The following SPEGNB variants were observed in gnomAD, a reference collection of about 807,000 sequenced individuals.
SPEGNB encodes SPEG neighbor protein.
Under a neutral mutation model 18.3 loss-of-function variants are expected in SPEGNB, and 12 were observed. The ratio of observed to expected loss-of-function variants is 0.65; its 90% confidence interval spans 0.42 to 1.06. SPEGNB has a LOEUF of 1.06. SPEGNB is among the 50% of genes least tolerant of loss of function. The probability of loss-of-function intolerance (pLI) is 0.00; values close to 1 mark genes in which losing one functional copy is unlikely to be tolerated. For missense variants in SPEGNB, 273 were observed against 329.3 expected (o/e 0.83, Z 1.32); for synonymous variants, 113 against 138.8 (o/e 0.81, Z 1.31).
Position 219,498,191 on chromosome 2 carries a change from C to T in SPEGNB, c.*2C>T, listed in dbSNP as rs1575217248. ...TTCGCTCGCGTCGACGTGGCCTGAA[C>T]GGCACCCCCGGACCTTCCGCCCTGG... is the stretch of plus-strand genomic sequence containing the variant. On this transcript the variant is annotated 3_prime_UTR_variant, in exon 5 of 5. Coordinates refer to ENST00000651166, the MANE Select transcript of SPEGNB (RefSeq NM_001286811.2). The T allele has an allele frequency of 7.7e-7, 1 of 1,302,294 alleles. No homozygotes were observed. Among genetic ancestry groups the T allele is most frequent in the African/African-American group, 1.5e-5 (1 of 65,968 alleles). The allele number at this position is 1,302,294 out of a possible 1,614,324, so 80.7% of individuals were successfully genotyped here.
chr2:219,498,047 G>T lies in SPEGNB; in HGVS notation c.579-4G>T. 1.5e-6 allele frequency: 2 copies of T among 1,300,692 alleles called. No homozygotes were observed. Among genetic ancestry groups the T allele is most frequent in the South Asian group, 1.2e-5 (1 of 80,482 alleles). 80.6% of individuals were successfully genotyped at this position (1,300,692 alleles called of 1,614,324 possible). On this transcript the variant is annotated splice_polypyrimidine_tract_variant and splice_region_variant and intron_variant, in intron 4 of 4. Transcript: ENST00000651166. Reference sequence around the variant, plus strand: ...CCGCCCTCCTCCCCGCCGCCCTTCCGCAGGGTGTTCTTCGAGATCGGCAGC... The same window carrying T: ...CCGCCCTCCTCCCCGCCGCCCTTCCTCAGGGTGTTCTTCGAGATCGGCAGC...
chr2:219,496,534 C>G, intron 2 of SPEGNB, 52 bp downstream of exon 2: 1 of 1,191,046 alleles, frequency 8.4e-7, no homozygotes, highest in Non-Finnish European at 1.1e-6. Flanking sequence ...AGAGAGCGCA[C>G]TCTTGAGTAG....
Position 219,497,799 on chromosome 2 carries a change from G to A in SPEGNB, c.516G>A (p.Leu172=). The A allele has an allele frequency of 1.5e-6, 2 of 1,304,314 alleles. No homozygotes were observed. Among genetic ancestry groups the A allele is most frequent in the Non-Finnish European group, 2.0e-6 (2 of 988,972 alleles). The allele number at this position is 1,304,314 out of a possible 1,614,324, so 80.8% of individuals were successfully genotyped here. ...GTTVTLTAEI[L]GEPAPDVGWT... ...CCGTGACGCTGACTGCGGAGATCCT[G>A]GGAGAGCCTGCGCCCGACGTAGGCT... Residue 172 remains leucine (L), a synonymous_variant, in exon 4 of 5, where the codon CTG becomes CTA. Transcript: ENST00000651166.
At position 219,496,850 on chromosome 2, in the gene SPEGNB, T is replaced by C; in HGVS notation, c.170T>C (p.Leu57Pro). ...CGCGAGAAGGGGCCGCCGCGGGTGC[T>C]GGAGCCGCTGAAGGACGTGGTGCTG... is the stretch of plus-strand genomic sequence containing the variant. ...ELREKGPPRV[L>P]EPLKDVVLIE... The change falls in exon 3 of 5, where the codon CTG (leucine) becomes CCG (proline). Residue 57 changes from leucine to proline, a missense_variant. Leu to Pro is a moderately conservative substitution (Grantham distance 98). Transcript: ENST00000651166. 1 of 1,262,998 alleles carries C rather than the reference T, an allele frequency of 7.9e-7. No homozygotes were observed. The highest frequency in any genetic ancestry group is 1.3e-5 in the South Asian group (1 of 76,634). The allele number at this position is 1,262,998 out of a possible 1,614,324, so 78.2% of individuals were successfully genotyped here.
In SPEGNB at chr2:219,498,172, C is replaced by A; in HGVS notation, c.700C>A (p.Arg234Ser). ...CCTGGGCATGGACCAGAGCTTCGCT[C>A]GCGTCGACGTGGCCTGAACGGCACC... ...NSLGMDQSFA[R>S]VDVA Residue 234 changes from arginine (R) to serine (S), a missense_variant, in exon 5 of 5, where the codon CGC (arginine) becomes AGC (serine). Coordinates refer to ENST00000651166, the MANE Select transcript of SPEGNB (RefSeq NM_001286811.2). 7.7e-7 allele frequency: 1 copy of A among 1,303,976 alleles called. No homozygotes were observed. The highest frequency in any genetic ancestry group is 1.0e-6 in the Non-Finnish European group (1 of 988,762). 80.8% of individuals were successfully genotyped at this position (1,303,976 alleles called of 1,614,324 possible). A position where few individuals can be genotyped will look rare whatever the true frequency, so the allele number is the denominator to read the frequency against.
Position 219,497,510 on chromosome 2 carries a change from A to C in SPEGNB, c.437-210A>C, listed in dbSNP as rs576508967. The C allele has an allele frequency of 1.2e-5, 6 of 518,742 alleles. No individual in the cohort carries two copies. In the East Asian group the frequency reaches 4.5e-4, roughly 39 times the overall value. 32.1% of individuals were successfully genotyped at this position (518,742 alleles called of 1,614,324 possible). On this transcript the variant is annotated intron_variant, in intron 3 of 4. Coordinates refer to ENST00000651166, the MANE Select transcript of SPEGNB (RefSeq NM_001286811.2). ...GCTTTCGCCCGCCTTATCTCTCTTG[A>C]TCCTCTATTCGACCCCGAGAAGTAG...
chr2:219,497,447 G>A (rs1694250795), intron 3 of SPEGNB, among the ~76,000 whole-genome samples: 1 of 152,184 alleles, frequency 6.6e-6, no homozygotes, highest in Admixed American at 6.5e-5. Context: ...TACCCGGAGC[G>A]GTCTCTGAGG....
Position 219,497,116 on chromosome 2 carries a change from G to C in SPEGNB, c.436G>C (p.Val146Leu). ...CGACTCGGCGCGCATCCTCGTGGAA[G>C]GTACGCGCGCCCCGGGCGCAGCGCC... is the stretch of plus-strand genomic sequence containing the variant. ...CSDSARILVE[V>L]PTKIQKGPDN... is the part of the protein sequence containing the mutation. The change falls in exon 3 of 5, where the codon GTC (valine) becomes CTC (leucine). Residue 146 changes from valine to leucine, a missense_variant and splice_region_variant. Coordinates refer to ENST00000651166, the MANE Select transcript of SPEGNB (RefSeq NM_001286811.2). 1 of 1,200,508 alleles carries C rather than the reference G, an allele frequency of 8.3e-7. No homozygotes were observed. The allele number at this position is 1,200,508 out of a possible 1,614,324, so 74.4% of individuals were successfully genotyped here.
At chr2:219,498,009 A>G (rs151093330) in intron 4 of SPEGNB, 42 bp from the exon 5 acceptor site, 22 of 1,288,970 alleles carry the variant, frequency 1.7e-5, no homozygotes, top group Non-Finnish European at 2.0e-5. Flanking sequence ...GCGCCCGTGT[A>G]CTGACCACGG....
Position 219,497,836 on chromosome 2 carries a change from G to A in SPEGNB, c.553G>A (p.Gly185Arg), listed in dbSNP as rs1223159268. 2 of 1,304,072 alleles carry A rather than the reference G, an allele frequency of 1.5e-6. No individual in the cohort carries two copies. The highest frequency in any genetic ancestry group is 2.3e-5 in the Admixed American group (1 of 43,552). The allele number at this position is 1,304,072 out of a possible 1,614,324, so 80.8% of individuals were successfully genotyped here. Residue 185 changes from glycine to arginine, a missense_variant, in exon 4 of 5, where the codon GGG (glycine) becomes AGG (arginine). By Grantham distance (125) the Gly-to-Arg change is moderately radical (BLOSUM62 -2). Coordinates refer to ENST00000651166, the MANE Select transcript of SPEGNB (RefSeq NM_001286811.2). ...GCCCGACGTAGGCTGGACCAAGGACGGGGAGGACATCGAGGAGGATGACAG... is the reference window on the plus strand; with the variant it reads ...GCCCGACGTAGGCTGGACCAAGGACAGGGAGGACATCGAGGAGGATGACAG... The part of the protein sequence containing the change: ...PAPDVGWTKD[G>R]EDIEEDDRVF...
intron 4 of SPEGNB, 94 bp downstream of exon 4, chr2:219,497,955 A>G: frequency 7.8e-7 from 1 of 1,278,684 alleles, no homozygotes; most frequent in South Asian, 1.3e-5. Context: ...GGGGGCGGGG[A>G]CTGGGCAGCG....
Position 219,498,054 on chromosome 2 carries a change from G to A in SPEGNB, c.582G>A (p.Val194=), listed in dbSNP as rs1484339448. Residue 194 remains valine, a synonymous_variant, in exon 5 of 5, where the codon GTG becomes GTA. Transcript: ENST00000651166. Reference sequence around the variant, plus strand: ...CCTCCCCGCCGCCCTTCCGCAGGGTGTTCTTCGAGATCGGCAGCACCACCA... The same window carrying A: ...CCTCCCCGCCGCCCTTCCGCAGGGTATTCTTCGAGATCGGCAGCACCACCA... ...DGEDIEEDDR[V]FFEIGSTTTT... is the part of the protein sequence containing the mutation. 1 of 1,302,254 alleles carries A rather than the reference G, an allele frequency of 7.7e-7. No individual in the cohort carries two copies. The highest frequency in any genetic ancestry group is 1.0e-6 in the Non-Finnish European group (1 of 987,844). The allele number at this position is 1,302,254 out of a possible 1,614,324, so 80.7% of individuals were successfully genotyped here. A position where few individuals can be genotyped will look rare whatever the true frequency, so the allele number is the denominator to read the frequency against.
rs896036720 is a variant in SPEGNB, at chr2:219,498,078, C to T, written c.606C>T (p.Thr202=). 1.0e-5 allele frequency: 13 copies of T among 1,303,696 alleles called. No individual in the cohort carries two copies. Among genetic ancestry groups the T allele is most frequent in the Admixed American group, 4.6e-5 (2 of 43,468 alleles). 80.8% of individuals were successfully genotyped at this position (1,303,696 alleles called of 1,614,324 possible). Residue 202 remains threonine (T), a synonymous_variant, in exon 5 of 5, where the codon ACC becomes ACT. Coordinates refer to ENST00000651166, the MANE Select transcript of SPEGNB (RefSeq NM_001286811.2). ...TGTTCTTCGAGATCGGCAGCACCAC[C>T]ACGACGCTGACCATTCGCCGGGCCA... The part of the protein sequence containing the change: ...DRVFFEIGST[T]TTLTIRRATP...
chr2:219,496,631 C>T, intron 2 of SPEGNB, 149 bp downstream of exon 2: 6 of 970,008 alleles, frequency 6.2e-6, no homozygotes, highest in Non-Finnish European at 5.3e-6. Context: ...GGGGAGTGGC[C>T]GGGAGGAATG....
chr2:219,496,477 C>T lies in SPEGNB; in HGVS notation c.123C>T (p.Gly41=). The T allele has an allele frequency of 1.6e-6, 2 of 1,259,950 alleles. No individual in the cohort carries two copies. Among genetic ancestry groups the T allele is most frequent in the Non-Finnish European group, 2.1e-6 (2 of 958,472 alleles). 78.0% of individuals were successfully genotyped at this position (1,259,950 alleles called of 1,614,324 possible). Residue 41 remains glycine, a synonymous_variant, in exon 2 of 5, where the codon GGC becomes GGT. Transcript: ENST00000651166. Reference sequence around the variant, plus strand: ...TTCGTATCCAGGCCTCTTACCGGGGCCACAGGTGAGAGGGAACCCCGGAGC... The same window carrying T: ...TTCGTATCCAGGCCTCTTACCGGGGTCACAGGTGAGAGGGAACCCCGGAGC... ...AAIRIQASYR[G]HRSRKELREK... is the part of the protein sequence containing the mutation.
chr2:219,496,519 G>A, intron 2 of SPEGNB, 37 bp downstream of exon 2: 2 of 1,201,820 alleles, frequency 1.7e-6, no homozygotes, highest in Non-Finnish European at 2.1e-6. Flanking sequence ...GAGGAAGGGA[G>A]CTGCAGAGAG....
At position 219,498,079 on chromosome 2, in the gene SPEGNB, A is replaced by T. The variant is rs745316223; in HGVS notation, c.607A>T (p.Thr203Ser). 13 of 1,303,698 alleles carry T rather than the reference A, an allele frequency of 1.0e-5. No homozygotes were observed. Among genetic ancestry groups the T allele is most frequent in the Admixed American group, 4.6e-5 (2 of 43,470 alleles). The allele number at this position is 1,303,698 out of a possible 1,614,324, so 80.8% of individuals were successfully genotyped here. A position where few individuals can be genotyped will look rare whatever the true frequency, so the allele number is the denominator to read the frequency against. Residue 203 changes from threonine (T) to serine (S), a missense_variant, in exon 5 of 5, where the codon ACG (threonine) becomes TCG (serine). Transcript: ENST00000651166. ...RVFFEIGSTT[T>S]TLTIRRATPQ... ...GTTCTTCGAGATCGGCAGCACCACC[A>T]CGACGCTGACCATTCGCCGGGCCAC... is the stretch of plus-strand genomic sequence containing the variant.
In SPEGNB at chr2:219,497,134, G is replaced by A. The variant is rs1809604; in HGVS notation, c.436+18G>A. 2 of 1,190,452 alleles carry A rather than the reference G, an allele frequency of 1.7e-6. No individual in the cohort carries two copies. The highest frequency in any genetic ancestry group is 2.1e-6 in the Non-Finnish European group (2 of 931,492). 73.7% of individuals were successfully genotyped at this position (1,190,452 alleles called of 1,614,324 possible). A position where few individuals can be genotyped will look rare whatever the true frequency, so the allele number is the denominator to read the frequency against. On this transcript the variant is annotated intron_variant, in intron 3 of 4. Coordinates refer to ENST00000651166, the MANE Select transcript of SPEGNB (RefSeq NM_001286811.2). ...CGTGGAAGGTACGCGCGCCCCGGGC[G>A]CAGCGCCAGGGCGCAGACCAGCACC... is the stretch of plus-strand genomic sequence containing the variant.
chr2:219,496,137 C>A lies in SPEGNB; in HGVS notation c.-81C>A, dbSNP rs1444384891. On this transcript the variant is annotated 5_prime_UTR_variant, in exon 1 of 5. Coordinates refer to ENST00000651166, the MANE Select transcript of SPEGNB (RefSeq NM_001286811.2). ...CCCAGGGCTGAGCACCTGCCTGCAC[C>A]CCTACTGTGCCATCCAGAAGGGCTC... 1.3e-5 allele frequency among the ~76,000 whole-genome samples: 2 copies of A among 152,314 alleles called. No individual in the cohort carries two copies. Among genetic ancestry groups the A allele is most frequent in the Middle Eastern group, 3.4e-3 (1 of 294 alleles).
Sources: gnomAD v4.1 joint callset for allele counts (sites outside exome capture counted in the v4.1 genomes callset) on GRCh38, gnomAD v4.1.1 for gene constraint, MANE v1.5 for transcripts, NCBI Gene and HGNC (gene_info 2026-07-23, HGNC 2026-07-21) for gene names.